WDFY3: variants seen among roughly 807,000 people sequenced by gnomAD.
WDFY3 encodes WD repeat and FYVE domain-containing protein 3.
In WDFY3, 66 loss-of-function variants were observed where a neutral mutation model predicts 409.6. That is an observed-to-expected ratio of 0.16 (90% CI 0.13 to 0.20). WDFY3 has a LOEUF of 0.20. Among genes scored for constraint, WDFY3 ranks in the 10% least tolerant of loss-of-function variants. WDFY3 has a pLI of 1.00. For missense variants in WDFY3, 3,031 were observed against 4,298.1 expected, an observed-to-expected ratio of 0.71 and a Z score of 8.24; for synonymous variants, 1,521 against 1,537.1, an observed-to-expected ratio of 0.99 and a Z score of 0.25.
intron 6 of WDFY3, among the ~76,000 whole-genome samples, chr4:84,840,734 G>A (rs1022480645): frequency 4.0e-5 from 6 of 151,296 alleles, no homozygotes; most frequent in Non-Finnish European, 7.4e-5. Context: ...AGGCCACCAC[G>A]CTCAGCTAAT....
At chr4:84,771,614 G>A (rs1012269768) in intron 30 of WDFY3, among the ~76,000 whole-genome samples, 4 of 152,082 alleles carry the variant, frequency 2.6e-5, no homozygotes, top group Non-Finnish European at 5.9e-5. Context: ...GACTACCTGG[G>A]TTCCTATATA....
chr4:84,775,233 A>T, intron 27 of WDFY3, 95 bp from the exon 28 acceptor site: 3 of 1,007,950 alleles, frequency 3.0e-6, no homozygotes, highest in African/African-American at 3.3e-5. Context: ...AACTTATTTC[A>T]CTTATATAAT....
intron 3 of WDFY3, among the ~76,000 whole-genome samples, chr4:84,891,029 C>A (rs1243024902): frequency 2.0e-5 from 3 of 152,124 alleles, no homozygotes; most frequent in Admixed American, 6.5e-5. Flanking sequence ...AATATAACAA[C>A]CATTCTTAGT....
At chr4:84,789,631 T>TC in intron 22 of WDFY3, 95 bp downstream of exon 22, 1 of 1,106,908 alleles carries the variant, frequency 9.0e-7, no homozygotes, top group Non-Finnish European at 1.2e-6. Flanking sequence ...AATATCCCTG[T>TC]AACACACACA....
intron 37 of WDFY3, among the ~76,000 whole-genome samples, chr4:84,743,216 T>G (rs1212153485): frequency 6.6e-6 from 1 of 152,242 alleles, no homozygotes; most frequent in African/African-American, 2.4e-5. Context: ...TTGGCTTCAC[T>G]GTAAATGTAT....
chr4:84,734,959 G>A (rs1423114316), intron 43 of WDFY3, 84 bp downstream of exon 43: 1 of 1,139,654 alleles, frequency 8.8e-7, no homozygotes, highest in Non-Finnish European at 1.3e-6. Flanking sequence ...ACCTTAAAAT[G>A]GGCAGAAAGA....
intron 6 of WDFY3, among the ~76,000 whole-genome samples, chr4:84,840,506 C>A (rs971522131): frequency 6.6e-6 from 1 of 152,116 alleles, no homozygotes. Flanking sequence ...CCTGATGGAC[C>A]CAGAGCTCCT....
Position 84,796,705 on chromosome 4 carries a change from T to G in WDFY3, c.2983A>C (p.Ser995Arg). ...CGGTAATGGTTATCTTCATGTAAGC[T>G]AAAAACATTATCAGTACCCAGACCT... ...LEGLGTDNVF[S>R]LHEDNHYRIS... Residue 995 changes from serine (S) to arginine (R), a missense_variant, in exon 19 of 68, where the codon AGC becomes CGC. Ser to Arg is a moderately radical substitution (Grantham distance 110). Around this residue, in one of 16 missense-constraint regions of WDFY3, gnomAD observed 1,322 missense variants for 1,697.9 expected, o/e 0.78. Coordinates refer to ENST00000295888, the MANE Select transcript of WDFY3 (RefSeq NM_014991.6). The G allele has an allele frequency of 6.2e-7, 1 of 1,614,182 alleles. No homozygotes were observed.
At chr4:84,820,982 G>T in intron 11 of WDFY3, 102 bp downstream of exon 11, 1 of 1,127,126 alleles carries the variant, frequency 8.9e-7, no homozygotes, top group Non-Finnish European at 1.2e-6. Context: ...TGCACATTAG[G>T]AAGTCATTGA....
chr4:84,964,295 C>T (rs1044044494), intron 1 of WDFY3, among the ~76,000 whole-genome samples: 1 of 152,042 alleles, frequency 6.6e-6, no homozygotes, highest in East Asian at 1.9e-4. Context: ...CAGGGAGACC[C>T]TCATCTCTAC....
intron 15 of WDFY3, among the ~76,000 whole-genome samples, chr4:84,806,010 T>C (rs957387986): frequency 6.6e-6 from 1 of 152,212 alleles, no homozygotes; most frequent in Non-Finnish European, 1.5e-5. Flanking sequence ...TCCTGGATAC[T>C]ACATGTCAGA....
intron 2 of WDFY3, among the ~76,000 whole-genome samples, chr4:84,909,293 A>AT (rs1390056813): frequency 3.9e-5 from 6 of 152,100 alleles, no homozygotes; most frequent in Non-Finnish European, 8.8e-5. Flanking sequence ...TTCTTGACAG[A>AT]TTTTTGCCTT....
chr4:84,728,149 C>A (rs56020635), intron 44 of WDFY3, among the ~76,000 whole-genome samples: 11 of 152,228 alleles, frequency 7.2e-5, no homozygotes, highest in Non-Finnish European at 1.6e-4. Flanking sequence ...ATACTGAACT[C>A]ATAATATGCA....
intron 61 of WDFY3, 136 bp downstream of exon 61, chr4:84,690,370 A>G: frequency 8.1e-7 from 1 of 1,237,994 alleles, no homozygotes; most frequent in Non-Finnish European, 1.1e-6. Context: ...AAGTATTTCT[A>G]GCAACAGAAC....
chr4:84,721,091 G>A (rs937805007), intron 47 of WDFY3, among the ~76,000 whole-genome samples: 2 of 152,176 alleles, frequency 1.3e-5, no homozygotes, highest in African/African-American at 2.4e-5. Context: ...AAAAATACAA[G>A]GCCAGATTAC....
rs1725611334 is a variant in WDFY3 at position 84,672,751 on chromosome 4, A to T, written c.*117T>A. 1.4e-6 allele frequency: 2 copies of T among 1,438,560 alleles called. No individual in the cohort carries two copies. The highest frequency in any genetic ancestry group is 4.6e-5 in the East Asian group (2 of 43,548). 89.1% of individuals were successfully genotyped at this position (1,438,560 alleles called of 1,614,324 possible). On this transcript the variant is annotated 3_prime_UTR_variant, in exon 68 of 68. Coordinates refer to ENST00000295888, the MANE Select transcript of WDFY3 (RefSeq NM_014991.6). The stretch of plus-strand genomic sequence containing the variant: ...TGATCCCTTTGAATTTTAACACTTC[A>T]AACACGTGGTATGAAGAGATGTGTA...
At chr4:84,881,138 A>T (rs1763479375) in intron 3 of WDFY3, among the ~76,000 whole-genome samples, 1 of 152,002 alleles carries the variant, frequency 6.6e-6, no homozygotes, top group Non-Finnish European at 1.5e-5. Flanking sequence ...AAGATTTGTA[A>T]TTTTTTACCA....
chr4:84,741,777 A>G lies in WDFY3; in HGVS notation c.6218T>C (p.Ile2073Thr). Reference sequence around the variant, plus strand: ...ATGGATTACCTGTGCAATTAGTTGAATTATAAAATCTATAAGAAGTTTAGA... The same window carrying G: ...ATGGATTACCTGTGCAATTAGTTGAGTTATAAAATCTATAAGAAGTTTAGA... ...KESKLLIDFI[I>T]QLIAQSKRRS... Residue 2073 changes from isoleucine (I) to threonine (T), a missense_variant, in exon 38 of 68, where the codon ATT becomes ACT. Physicochemically the swap from Ile to Thr is moderately conservative, Grantham distance 89 (BLOSUM62 -1). Transcript: ENST00000295888. The G allele has an allele frequency of 6.2e-7, 1 of 1,610,314 alleles. No individual in the cohort carries two copies. The highest frequency in any genetic ancestry group is 8.5e-7 in the Non-Finnish European group (1 of 1,177,172).
At chr4:84,832,864 T>C (rs1755948249) in intron 7 of WDFY3, among the ~76,000 whole-genome samples, 2 of 152,274 alleles carry the variant, frequency 1.3e-5, no homozygotes, top group East Asian at 3.9e-4. Context: ...AATTTTTAGT[T>C]TGCCACTGGC....
Sources: gnomAD v4.1 joint callset for allele counts (sites outside exome capture counted in the v4.1 genomes callset) on GRCh38, gnomAD v4.1.1 for gene constraint, gnomAD v4.1.1 regional missense constraint, MANE v1.5 for transcripts, NCBI Gene and HGNC (gene_info 2026-07-23, HGNC 2026-07-21) for gene names.